The following CTNNA3 variants were observed in gnomAD, a reference collection of about 807,000 sequenced individuals.
CTNNA3 encodes catenin alpha-3.
CTNNA3 carries 76 observed loss-of-function variants against 95.7 expected under a neutral mutation model. The ratio of observed to expected loss-of-function variants is 0.79; its 90% confidence interval spans 0.66 to 0.96. The LOEUF is 0.96. Among genes scored for constraint, CTNNA3 ranks in the 40% least tolerant of loss-of-function variants. The pLI, the probability that CTNNA3 is intolerant of heterozygous loss-of-function variation, is 0.00. For missense variants in CTNNA3, 1,191 were observed against 1,089.8 expected (o/e 1.09, Z -1.31); for synonymous variants, 431 against 374.4 (o/e 1.15, Z -1.74).
intron 9 of CTNNA3, among the ~76,000 whole-genome samples, chr10:66,711,973 CA>C (rs1422977409): frequency 1.3e-5 from 2 of 152,084 alleles, no homozygotes; most frequent in African/African-American, 4.8e-5. Flanking sequence ...AGGCCCCAGC[CA>C]TCTTTTCTGA....
intron 7 of CTNNA3, among the ~76,000 whole-genome samples, chr10:66,912,070 A>G (rs1318352821): frequency 1.3e-5 from 2 of 152,216 alleles, no homozygotes; most frequent in African/African-American, 4.8e-5. Context: ...GAAATTTTAC[A>G]TTACTATTAC....
intron 5 of CTNNA3, among the ~76,000 whole-genome samples, chr10:67,352,069 A>G (rs1842656264): frequency 6.6e-6 from 1 of 152,012 alleles, no homozygotes; most frequent in South Asian, 2.1e-4. Context: ...GCCTTTAAAG[A>G]TTGCACAAAC....
intron 13 of CTNNA3, among the ~76,000 whole-genome samples, chr10:66,186,521 A>C (rs1219618665): frequency 6.6e-6 from 1 of 152,188 alleles, no homozygotes. Flanking sequence ...CAACTGAATT[A>C]AATTAGAAAT....
intron 7 of CTNNA3, among the ~76,000 whole-genome samples, chr10:66,802,759 T>C (rs553624224): frequency 1.3e-5 from 2 of 151,180 alleles, no homozygotes; most frequent in South Asian, 2.1e-4. Flanking sequence ...TGAGAATGGA[T>C]ACATTTGCTG....
At chr10:67,582,052 T>C (rs1158869126) in intron 3 of CTNNA3, among the ~76,000 whole-genome samples, 2 of 151,390 alleles carry the variant, frequency 1.3e-5, no homozygotes, top group African/African-American at 2.4e-5. Context: ...TTTGTGTCTC[T>C]ATTTCCTTCA....
intron 1 of CTNNA3, among the ~76,000 whole-genome samples, chr10:67,725,675 A>G (rs1007676961): frequency 1.3e-5 from 2 of 151,866 alleles, no homozygotes; most frequent in African/African-American, 2.4e-5. Context: ...GATAGAGAGA[A>G]AAAGAGATGA....
rs1009734948 is a variant in CTNNA3, at chr10:66,756,219, C to G, written c.1281+10045G>C. Among the ~76,000 whole-genome samples, 16 of 152,066 alleles carry G rather than the reference C, an allele frequency of 1.1e-4. 1 individual carries two copies. In the East Asian group the frequency reaches 3.1e-3, roughly 30 times the overall value. On this transcript the variant is annotated intron_variant, in intron 9 of 17. Coordinates refer to ENST00000433211, the MANE Select transcript of CTNNA3 (RefSeq NM_013266.4). The stretch of plus-strand genomic sequence containing the variant: ...ACATTAGAGTGAAAAAAGAGGAGGA[C>G]AGGAAGAGAGATCATTTGCAGTACA...
intron 7 of CTNNA3, among the ~76,000 whole-genome samples, chr10:67,146,085 T>C (rs1860829244): frequency 1.3e-5 from 2 of 152,114 alleles, no homozygotes; most frequent in Non-Finnish European, 2.9e-5. Context: ...CCAACACCTC[T>C]ACCCCAGCAC....
At chr10:67,089,679 G>A (rs1435813101) in intron 7 of CTNNA3, among the ~76,000 whole-genome samples, 4 of 151,030 alleles carry the variant, frequency 2.6e-5, no homozygotes, top group South Asian at 2.1e-4. Context: ...ATAGTTAGTC[G>A]AATCAGCCAA....
chr10:67,342,162 C>T (rs1477599517), intron 5 of CTNNA3, among the ~76,000 whole-genome samples: 1 of 128,502 alleles, frequency 7.8e-6, no homozygotes, highest in African/African-American at 2.8e-5. Flanking sequence ...AGTGCAAAGG[C>T]GCGGTCTCGG....
intron 11 of CTNNA3, among the ~76,000 whole-genome samples, chr10:66,454,150 T>TC (rs1436434112): frequency 6.6e-6 from 1 of 152,010 alleles, no homozygotes; most frequent in Non-Finnish European, 1.5e-5. Flanking sequence ...GGAAATAGAT[T>TC]CCCCCCTGCA....
At chr10:66,397,970 T>A (rs1221323605) in intron 11 of CTNNA3, among the ~76,000 whole-genome samples, 3 of 151,904 alleles carry the variant, frequency 2.0e-5, no homozygotes, top group Admixed American at 6.6e-5. Flanking sequence ...TTAATAGGCA[T>A]TGCTGACAAC....
intron 11 of CTNNA3, among the ~76,000 whole-genome samples, chr10:66,431,354 C>T (rs12268554): frequency 0.38 from 58,040 of 151,724 alleles, 11,644 homozygotes; most frequent in African/African-American, 0.5. Flanking sequence ...CTCAGGGATC[C>T]AGAAGTGGAA....
intron 16 of CTNNA3, among the ~76,000 whole-genome samples, chr10:65,972,030 A>G (rs2078115032): frequency 6.6e-6 from 1 of 152,148 alleles, no homozygotes; most frequent in Non-Finnish European, 1.5e-5. Context: ...AATATGACTC[A>G]CCATATAAAC....
intron 5 of CTNNA3, among the ~76,000 whole-genome samples, chr10:67,491,605 C>T (rs192895465): frequency 3.3e-5 from 5 of 152,196 alleles, no homozygotes; most frequent in Admixed American, 1.3e-4. Flanking sequence ...ATTCAAAGAA[C>T]GGAAAATACT....
intron 1 of CTNNA3, among the ~76,000 whole-genome samples, chr10:67,756,981 CTT>C (rs1405815836): frequency 3.3e-5 from 5 of 152,078 alleles, no homozygotes; most frequent in African/African-American, 4.8e-5. Context: ...ATTTTTCAAA[CTT>C]TTTATTAACA....
chr10:66,815,155 C>G (rs1842028538), intron 7 of CTNNA3, among the ~76,000 whole-genome samples: 1 of 152,084 alleles, frequency 6.6e-6, no homozygotes, highest in South Asian at 2.1e-4. Context: ...CTCCAAGAAT[C>G]TTCTCATAAA....
At chr10:66,437,094 C>G (rs2456661) in intron 11 of CTNNA3, among the ~76,000 whole-genome samples, 96,652 of 151,966 alleles carry the variant, frequency 0.64, 33,581 homozygotes, top group African/African-American at 0.91. Flanking sequence ...TGGGTAACCC[C>G]ACGTTTCTCT....
chr10:66,926,608 T>G, intron 7 of CTNNA3: 4 of 1,613,832 alleles, frequency 2.5e-6, no homozygotes, highest in Non-Finnish European at 3.4e-6. Context: ...TCATTTTTCT[T>G]CTTTCCTTCT....
Sources: allele counts gnomAD v4.1 joint callset (sites outside exome capture counted in the v4.1 genomes callset), GRCh38; gene constraint gnomAD v4.1.1; transcripts MANE v1.5; gene names NCBI Gene and HGNC (gene_info 2026-07-23, HGNC 2026-07-21).